Variants in CCDC33 observed in about 807,000 individuals in gnomAD.
CCDC33 encodes the protein coiled-coil domain-containing protein 33.
A neutral mutation model predicts 91.9 loss-of-function variants in CCDC33; 94 were observed. The observed-to-expected ratio is 1.02, with a 90% CI of 0.87 to 1.21. The LOEUF (loss-of-function observed/expected upper bound fraction) is 1.21, where lower values mean the gene tolerates loss of function less well. Among genes scored for constraint, CCDC33 ranks in the 50% most tolerant of loss-of-function variants. CCDC33 has a pLI of 0.00. For missense variants in CCDC33, 940 were observed against 935.5 expected, an observed-to-expected ratio of 1.00 and a Z score of -0.06; for synonymous variants, 396 against 374.5, an observed-to-expected ratio of 1.06 and a Z score of -0.66.
chr15:74,248,570 G>T (rs1293033712), intron 2 of CCDC33, among the ~76,000 whole-genome samples: 1 of 152,160 alleles, frequency 6.6e-6, no homozygotes, highest in East Asian at 1.9e-4. Flanking sequence ...GGCAGGGGAA[G>T]TAGTGAAGCA....
intron 1 of CCDC33, among the ~76,000 whole-genome samples, chr15:74,241,353 G>C (rs189905194): frequency 5.3e-5 from 8 of 152,330 alleles, no homozygotes; most frequent in Admixed American, 2.0e-4. Flanking sequence ...GGGAAGTAGG[G>C]GAGCAAGGCA....
intron 11 of CCDC33, among the ~76,000 whole-genome samples, chr15:74,313,850 C>T (rs1252682103): frequency 6.6e-6 from 1 of 152,168 alleles, no homozygotes; most frequent in African/African-American, 2.4e-5. Context: ...CCAGGCCCAG[C>T]CCAGTCCACT....
rs781137788 is a variant in CCDC33 at position 74,331,021 on chromosome 15, C to T, written c.1586C>T (p.Ala529Val). ...AAGGAGCTGCTCCTTCTGTATCAGG[C>T]CCAGCAGCCACAGGCCGCTCTGCTG... is the stretch of plus-strand genomic sequence containing the variant. The part of the protein sequence containing the change: ...REKELLLLYQ[A>V]QQPQAALLKQ... Residue 529 changes from alanine (A) to valine (V), a missense_variant, in exon 14 of 19, where the codon GCC becomes GTC. Coordinates refer to ENST00000398814, the MANE Select transcript of CCDC33 (RefSeq NM_025055.5). 5 of 1,610,114 alleles carry T rather than the reference C, an allele frequency of 3.1e-6. No homozygotes were observed. Among genetic ancestry groups the T allele is most frequent in the South Asian group, 2.2e-5 (2 of 90,390 alleles).
intron 7 of CCDC33, among the ~76,000 whole-genome samples, chr15:74,275,678 CTT>C (rs551722321): frequency 1.4e-5 from 2 of 146,396 alleles, no homozygotes; most frequent in Non-Finnish European, 1.5e-5. Flanking sequence ...GGCAGCCTCT[CTT>C]TTTTTTTTTG....
chr15:74,220,557 C>G (rs1049109884), intron 2 of CCDC33, among the ~76,000 whole-genome samples: 2 of 152,158 alleles, frequency 1.3e-5, no homozygotes, highest in African/African-American at 2.4e-5. Context: ...CCACAGGCCA[C>G]GTGGACGATG....
intron 2 of CCDC33, among the ~76,000 whole-genome samples, chr15:74,223,545 A>C (rs2074675078): frequency 6.6e-6 from 1 of 151,798 alleles, no homozygotes; most frequent in Admixed American, 6.6e-5. Context: ...GAATATATTA[A>C]TCTCTCTCTT....
intron 1 of CCDC33, chr15:74,207,960 T>G: frequency 2.1e-6 from 3 of 1,433,064 alleles, no homozygotes; most frequent in East Asian, 2.6e-5. Context: ...CTCTACCTCC[T>G]ACCTCCCCTG....
intron 11 of CCDC33, among the ~76,000 whole-genome samples, chr15:74,306,381 C>T (rs916145085): frequency 6.6e-6 from 1 of 152,206 alleles, no homozygotes; most frequent in African/African-American, 2.4e-5. Flanking sequence ...CTGCAGATGT[C>T]ACTGTGATAA....
intron 2 of CCDC33, among the ~76,000 whole-genome samples, chr15:74,224,130 G>A (rs753174141): frequency 6.6e-5 from 10 of 152,202 alleles, no homozygotes; most frequent in African/African-American, 9.6e-5. Context: ...GGTGCAGACC[G>A]GCACCATGGC....
chr15:74,255,071 C>T (rs555375189), intron 2 of CCDC33, among the ~76,000 whole-genome samples: 1 of 150,734 alleles, frequency 6.6e-6, no homozygotes, highest in Non-Finnish European at 1.5e-5. Context: ...AGAGATCCCC[C>T]CTCACCTAGG....
chr15:74,223,769 A>ACACACACAG (rs60295061), intron 2 of CCDC33, among the ~76,000 whole-genome samples: 1 of 48,338 alleles, frequency 2.1e-5, no homozygotes, highest in African/African-American at 6.8e-5. Context: ...CACACACGCA[A>ACACACACAG]GCATGCACAC....
At chr15:74,214,430 G>A (rs563290672), upstream of CCDC33, among the ~76,000 whole-genome samples, 1 of 152,256 alleles carries the variant, frequency 6.6e-6, no homozygotes, top group African/African-American at 2.4e-5. Context: ...GCCCCCCAGA[G>A]ACAGTCTCAC....
intron 15 of CCDC33, 35 bp from the exon 16 acceptor site, chr15:74,332,644 G>T (rs555203865): frequency 2.1e-5 from 33 of 1,606,788 alleles, no homozygotes; most frequent in African/African-American, 2.7e-5. Flanking sequence ...AAGCAGGAGA[G>T]CCCATCTCAC....
chr15:74,207,765 T>C, intron 1 of CCDC33: 1 of 1,535,666 alleles, frequency 6.5e-7, no homozygotes, highest in Non-Finnish European at 8.7e-7. Context: ...TGCGGGCCCG[T>C]GAGCTTGGGG....
chr15:74,228,714 A>T (rs2074875318), intron 2 of CCDC33, among the ~76,000 whole-genome samples: 1 of 152,206 alleles, frequency 6.6e-6, no homozygotes, highest in Non-Finnish European at 1.5e-5. Flanking sequence ...CTCTTAAAGC[A>T]TAATTGCTTT....
chr15:74,295,829 C>T lies in CCDC33; in HGVS notation c.1171C>T (p.Leu391=), dbSNP rs922010566. The change falls in exon 11 of 19, where the codon CTG becomes TTG. Residue 391 remains leucine (L), a synonymous_variant. Transcript: ENST00000398814. ...TLDPKILDKK[L]RTIQESWSKD... ...GGACCCCAAGATCCTGGATAAGAAG[C>T]TGAGAACCATCCAAGAGTCCTGGTC... is the stretch of plus-strand genomic sequence containing the variant. 1.2e-6 allele frequency: 2 copies of T among 1,614,082 alleles called. No homozygotes were observed. The highest frequency in any genetic ancestry group is 2.7e-5 in the African/African-American group (2 of 74,934).
intron 11 of CCDC33, among the ~76,000 whole-genome samples, chr15:74,326,932 G>T (rs2060321635): frequency 6.6e-6 from 1 of 152,204 alleles, no homozygotes; most frequent in Admixed American, 6.5e-5. Flanking sequence ...CCAGCTCCAG[G>T]CTGTAGGGAG....
At chr15:74,298,285 A>G (rs1346873381) in intron 11 of CCDC33, among the ~76,000 whole-genome samples, 2 of 152,088 alleles carry the variant, frequency 1.3e-5, no homozygotes, top group South Asian at 2.1e-4. Flanking sequence ...GGTGGTGATG[A>G]TGGTGATGAT....
At chr15:74,319,593 C>T (rs927451957) in intron 11 of CCDC33, 1 of 152,468 alleles carries the variant, frequency 6.6e-6, no homozygotes, top group African/African-American at 2.4e-5. Context: ...CCCAAGGAGT[C>T]ATGACTGATG....
Sources: allele counts gnomAD v4.1 joint callset (sites outside exome capture counted in the v4.1 genomes callset), GRCh38; gene constraint gnomAD v4.1.1; transcripts MANE v1.5; gene names NCBI Gene and HGNC (gene_info 2026-07-23, HGNC 2026-07-21).